The following TENM3 variants were observed in gnomAD, a reference collection of about 807,000 sequenced individuals.
TENM3 encodes the protein teneurin transmembrane protein 3, also known as teneurin-3.
In TENM3, 63 loss-of-function variants were observed where a neutral mutation model predicts 255.1. The observed-to-expected ratio is 0.25, with a 90% CI of 0.20 to 0.30. TENM3 has a LOEUF of 0.30. Among genes scored for constraint, TENM3 ranks in the 10% least tolerant of loss-of-function variants. The pLI, the probability that TENM3 is intolerant of heterozygous loss-of-function variation, is 1.00. For missense variants in TENM3, 2,929 were observed against 3,461.1 expected (o/e 0.85, Z 3.86); for synonymous variants, 1,306 against 1,322.3 (o/e 0.99, Z 0.27).
intron 3 of TENM3, among the ~76,000 whole-genome samples, chr4:182,447,978 A>G (rs1273253718): frequency 1.3e-5 from 2 of 152,262 alleles, no homozygotes; most frequent in Non-Finnish European, 2.9e-5. Flanking sequence ...TAAAAATTTA[A>G]GTGATGCAAT....
At chr4:181,532,556 G>A in the TENM3 span, among the ~76,000 whole-genome samples, 2 of 152,158 alleles carry the variant, frequency 1.3e-5, no homozygotes, top group Non-Finnish European at 2.9e-5. Flanking sequence ...GAGGGAACAG[G>A]TTCTGGTTGG....
At chr4:181,997,093 C>A in the TENM3 span, among the ~76,000 whole-genome samples, 1 of 152,258 alleles carries the variant, frequency 6.6e-6, no homozygotes, top group Non-Finnish European at 1.5e-5. Flanking sequence ...CAGAAGACAA[C>A]CTTAGAGATG....
intron 3 of TENM3, among the ~76,000 whole-genome samples, chr4:182,516,174 T>G (rs1375719216): frequency 2.6e-5 from 4 of 152,226 alleles, no homozygotes; most frequent in African/African-American, 9.7e-5. Flanking sequence ...TGAGTAGAAA[T>G]AGCACTGGAC....
At chr4:182,184,040 T>C (rs887700084) in intron 1 of TENM3, among the ~76,000 whole-genome samples, 1 of 152,202 alleles carries the variant, frequency 6.6e-6, no homozygotes, top group Non-Finnish European at 1.5e-5. Context: ...AAGCATTTGG[T>C]AAGTTTTGTA....
In TENM3 at chr4:182,469,236, G is replaced by A. The variant is rs930986150; in HGVS notation, c.511+122307G>A. On this transcript the variant is annotated intron_variant, in intron 3 of 27. Transcript: ENST00000511685. ...GCTGAGATTTAATGTCTCTGTTTTAGTGTTAGTCTCTGCTATCATATGCCC... is the reference window on the plus strand; with the variant it reads ...GCTGAGATTTAATGTCTCTGTTTTAATGTTAGTCTCTGCTATCATATGCCC... Among the ~76,000 whole-genome samples the A allele has an allele frequency of 2.0e-5, 3 of 152,104 alleles. No individual in the cohort carries two copies. The East Asian group carries it at 5.8e-4, about 29-fold the overall frequency.
the TENM3 span, among the ~76,000 whole-genome samples, chr4:181,972,357 T>C: frequency 6.8e-5 from 10 of 147,912 alleles, no homozygotes; most frequent in African/African-American, 2.5e-4. Flanking sequence ...AGGTCAAGGC[T>C]GCAGTGCAGT....
chr4:182,470,230 G>T (rs1415566824), intron 3 of TENM3, among the ~76,000 whole-genome samples: 1 of 152,160 alleles, frequency 6.6e-6, no homozygotes, highest in East Asian at 1.9e-4. Context: ...TAAATGTGAT[G>T]ATCAAAAACT....
the TENM3 span, among the ~76,000 whole-genome samples, chr4:181,762,951 G>A: frequency 6.6e-6 from 1 of 151,800 alleles, no homozygotes; most frequent in Non-Finnish European, 1.5e-5. Context: ...ATATTTATTA[G>A]CAATATATAT....
chr4:182,506,335 A>G (rs1259097552), intron 3 of TENM3, among the ~76,000 whole-genome samples: 2 of 152,186 alleles, frequency 1.3e-5, no homozygotes, highest in African/African-American at 4.8e-5. Context: ...GAGTCAGAAA[A>G]CTTGAAGTTC....
chr4:181,851,255 C>G, the TENM3 span, among the ~76,000 whole-genome samples: 3 of 152,180 alleles, frequency 2.0e-5, no homozygotes, highest in Non-Finnish European at 2.9e-5. Flanking sequence ...CTTGCAGGTT[C>G]CATATCGCCT....
chr4:181,777,711 T>A, the TENM3 span, among the ~76,000 whole-genome samples: 1 of 152,164 alleles, frequency 6.6e-6, no homozygotes, highest in Non-Finnish European at 1.5e-5. Context: ...TTCTTAAAAA[T>A]TGCTGACTAT....
At chr4:181,952,062 G>T in the TENM3 span, among the ~76,000 whole-genome samples, 9 of 152,270 alleles carry the variant, frequency 5.9e-5, no homozygotes, top group African/African-American at 2.2e-4. Flanking sequence ...AAGAACTGTG[G>T]TTTATTCCAT....
intron 3 of TENM3, among the ~76,000 whole-genome samples, chr4:182,524,528 T>A (rs565538700): frequency 1.3e-5 from 2 of 151,860 alleles, no homozygotes; most frequent in East Asian, 3.9e-4. Flanking sequence ...CTGGCTATTT[T>A]ATTTTATTTT....
intron 3 of TENM3, among the ~76,000 whole-genome samples, chr4:182,543,603 T>C (rs1451246251): frequency 1.3e-5 from 2 of 152,164 alleles, no homozygotes; most frequent in African/African-American, 4.8e-5. Context: ...AAAACAAAAG[T>C]TCTTTAAAGT....
intron 3 of TENM3, among the ~76,000 whole-genome samples, chr4:182,519,763 G>A (rs559989586): frequency 1.3e-5 from 2 of 152,080 alleles, no homozygotes; most frequent in African/African-American, 4.8e-5. Flanking sequence ...ACTCATCAGG[G>A]CCTGAAGTTT....
intron 12 of TENM3, among the ~76,000 whole-genome samples, chr4:182,692,409 T>C (rs2152602264): frequency 6.7e-6 from 1 of 150,026 alleles, no homozygotes; most frequent in Non-Finnish European, 1.5e-5. Context: ...TTAGTATTTG[T>C]TGAAGAGGTT....
chr4:181,511,584 C>A, the TENM3 span, among the ~76,000 whole-genome samples: 2 of 152,212 alleles, frequency 1.3e-5, no homozygotes, highest in Non-Finnish European at 2.9e-5. Context: ...CTGTACCTTG[C>A]TCCGGGTGAT....
chr4:181,826,486 A>G, the TENM3 span, among the ~76,000 whole-genome samples: 132,073 of 152,148 alleles, frequency 0.87, 58,542 homozygotes, highest in Non-Finnish European at 0.96. Flanking sequence ...GCGTGAAAGC[A>G]TTTCTTTCCC....
At chr4:182,218,301 T>C (rs1755633735) in intron 1 of TENM3, among the ~76,000 whole-genome samples, 1 of 152,214 alleles carries the variant, frequency 6.6e-6, no homozygotes, top group Non-Finnish European at 1.5e-5. Flanking sequence ...AGGATGTCCT[T>C]GGTCTCTGGT....
Sources: gnomAD v4.1 joint callset for allele counts (sites outside exome capture counted in the v4.1 genomes callset) on GRCh38, gnomAD v4.1.1 for gene constraint, MANE v1.5 for transcripts, NCBI Gene and HGNC (gene_info 2026-07-23, HGNC 2026-07-21) for gene names.